The following APBA1 variants were observed in gnomAD, a reference collection of about 807,000 sequenced individuals.
APBA1 encodes amyloid beta precursor protein binding family A member 1, also known as amyloid-beta A4 precursor protein-binding family A member 1.
A neutral mutation model predicts 86.6 loss-of-function variants in APBA1; 55 were observed. The ratio of observed to expected loss-of-function variants is 0.64; its 90% confidence interval spans 0.51 to 0.80. The LOEUF is 0.80. Among genes scored for constraint, APBA1 ranks in the 30% least tolerant of loss-of-function variants. APBA1 has a pLI of 0.00. For synonymous variants in APBA1, 511 were observed against 493.9 expected, an observed-to-expected ratio of 1.03 and a Z score of -0.46; for missense variants, 1,090 against 1,183.0, an observed-to-expected ratio of 0.92 and a Z score of 1.15.
intron 1 of APBA1, among the ~76,000 whole-genome samples, chr9:69,576,851 T>C (rs888815100): frequency 2.4e-4 from 36 of 152,200 alleles, no homozygotes; most frequent in Non-Finnish European, 1.2e-4. Flanking sequence ...AAACTTAAAG[T>C]ATAATAAAAA....
intron 5 of APBA1, 146 bp downstream of exon 5, chr9:69,467,677 G>T (rs551104112): frequency 1.0e-4 from 112 of 1,103,450 alleles, no homozygotes; most frequent in Non-Finnish European, 1.4e-4. Flanking sequence ...TGTTTTGTTA[G>T]CAGGCACATG....
At chr9:69,664,884 C>T (rs1192381737) in intron 1 of APBA1, among the ~76,000 whole-genome samples, 1 of 152,128 alleles carries the variant, frequency 6.6e-6, no homozygotes, top group Non-Finnish European at 1.5e-5. Flanking sequence ...CATTAAAATC[C>T]CTAAATTAAA....
rs1588301968 is a variant in APBA1 at position 69,467,765 on chromosome 9, A to G, written c.1482+58T>C. 18 of 1,602,440 alleles carry G rather than the reference A, an allele frequency of 1.1e-5. No individual in the cohort carries two copies. The East Asian group carries it at 4.0e-4, about 36-fold the overall frequency. On this transcript the variant is annotated intron_variant, in intron 5 of 12. Coordinates refer to ENST00000265381, the MANE Select transcript of APBA1 (RefSeq NM_001163.4). ...TGTGGAGTTGTGGCCAGTGTTGTAGACTGCTCCAGTGCCTACACCAGCCCC... is the reference window on the plus strand; with the variant it reads ...TGTGGAGTTGTGGCCAGTGTTGTAGGCTGCTCCAGTGCCTACACCAGCCCC...
At chr9:69,512,063 T>TA (rs1310015559) in intron 2 of APBA1, among the ~76,000 whole-genome samples, 5 of 145,876 alleles carry the variant, frequency 3.4e-5, no homozygotes, top group Non-Finnish European at 7.5e-5. Flanking sequence ...CCCTAAAACT[T>TA]AAAGTATAAT....
chr9:69,434,460 G>C (rs994085480), intron 11 of APBA1, among the ~76,000 whole-genome samples: 9 of 152,024 alleles, frequency 5.9e-5, no homozygotes, highest in Non-Finnish European at 1.3e-4. Flanking sequence ...TGGGATACCA[G>C]CACTTTGGGA....
At chr9:69,644,215 C>T (rs1588409508) in intron 1 of APBA1, among the ~76,000 whole-genome samples, 1 of 152,234 alleles carries the variant, frequency 6.6e-6, no homozygotes, top group South Asian at 2.1e-4. Context: ...ATCTTCTCTA[C>T]TGTATCACCA....
chr9:69,543,721 C>A (rs1480076871), intron 1 of APBA1, among the ~76,000 whole-genome samples: 1 of 152,142 alleles, frequency 6.6e-6, no homozygotes, highest in Non-Finnish European at 1.5e-5. Context: ...TTCCCAGGGT[C>A]ACAAAGCAGA....
At position 69,597,887 on chromosome 9, in the gene APBA1, G is replaced by C. The variant is rs1264325570; in HGVS notation, c.-70+74266C>G. On this transcript the variant is annotated intron_variant, in intron 1 of 12. Coordinates refer to ENST00000265381, the MANE Select transcript of APBA1 (RefSeq NM_001163.4). ...GGAAGTCAGTGTGGCGATTCCTCAG[G>C]GATCTAGAACTAGAAATACCATTTG... 2.0e-5 allele frequency among the ~76,000 whole-genome samples: 3 copies of C among 152,018 alleles called. No individual in the cohort carries two copies. The East Asian group carries it at 5.8e-4, about 29-fold the overall frequency.
At chr9:69,481,706 C>G (rs1564049533) in intron 2 of APBA1, among the ~76,000 whole-genome samples, 1 of 150,808 alleles carries the variant, frequency 6.6e-6, no homozygotes, top group East Asian at 1.9e-4. Context: ...CATCACAATA[C>G]CTGACTTCAA....
In APBA1 at chr9:69,608,567, C is replaced by CA. The variant is rs1370945529; in HGVS notation, c.-70+63585dup. 1.1e-4 allele frequency among the ~76,000 whole-genome samples: 17 copies of CA among 151,970 alleles called. No homozygotes were observed. In the South Asian group the frequency reaches 1.9e-3, roughly 17 times the overall value. On this transcript the variant is annotated intron_variant, in intron 1 of 12. Coordinates refer to ENST00000265381, the MANE Select transcript of APBA1 (RefSeq NM_001163.4). ...AAGCCTTATTGAAGGCACTTGCTCC[C>CA]AAAAAAACAGTATTTATGACATGCT...
intron 1 of APBA1, among the ~76,000 whole-genome samples, chr9:69,557,345 A>C (rs1158597347): frequency 6.6e-6 from 1 of 152,182 alleles, no homozygotes; most frequent in Non-Finnish European, 1.5e-5. Context: ...CCAGGAAGAA[A>C]ATTATTTCAT....
chr9:69,600,576 A>T (rs560437809), intron 1 of APBA1, among the ~76,000 whole-genome samples: 1 of 152,156 alleles, frequency 6.6e-6, no homozygotes, highest in South Asian at 2.1e-4. Context: ...AGGTGGGTGG[A>T]TCACCTGAGG....
chr9:69,462,710 G>A (rs1012165648), intron 5 of APBA1: 1 of 152,174 alleles, frequency 6.6e-6, no homozygotes, highest in Non-Finnish European at 1.5e-5. Flanking sequence ...CAAGCACTTA[G>A]CCTGACTAGA....
chr9:69,658,278 T>C (rs796108111), intron 1 of APBA1, among the ~76,000 whole-genome samples: 2,968 of 65,062 alleles, frequency 0.046, 152 homozygotes, highest in South Asian at 0.085. Flanking sequence ...CTTTCTTTCT[T>C]TCTTTCTCTC....
intron 2 of APBA1, among the ~76,000 whole-genome samples, chr9:69,502,309 A>G (rs1184911807): frequency 6.6e-6 from 1 of 152,116 alleles, no homozygotes; most frequent in African/African-American, 2.4e-5. Flanking sequence ...CATCTTGCCT[A>G]GAGCTGAACC....
intron 2 of APBA1, chr9:69,494,381 A>C (rs1835762452): frequency 6.6e-6 from 1 of 152,150 alleles, no homozygotes. Flanking sequence ...AGCCTTGCAC[A>C]GCAGCGATCT....
chr9:69,623,249 G>A (rs1822861892), intron 1 of APBA1, among the ~76,000 whole-genome samples: 1 of 152,082 alleles, frequency 6.6e-6, no homozygotes, highest in African/African-American at 2.4e-5. Flanking sequence ...ACTGACCTGA[G>A]GCTGCAATGA....
At chr9:69,671,053 C>G (rs549102512) in intron 1 of APBA1, among the ~76,000 whole-genome samples, 13 of 152,212 alleles carry the variant, frequency 8.5e-5, no homozygotes, top group African/African-American at 3.1e-4. Context: ...TCTCTCTATA[C>G]GTATACACCT....
intron 1 of APBA1, among the ~76,000 whole-genome samples, chr9:69,663,836 T>G (rs1198250951): frequency 1.3e-5 from 2 of 152,194 alleles, no homozygotes; most frequent in Non-Finnish European, 2.9e-5. Flanking sequence ...AAGATGAGAT[T>G]CTGTCCTCCA....
Sources: allele counts gnomAD v4.1 joint callset (sites outside exome capture counted in the v4.1 genomes callset), GRCh38; gene constraint gnomAD v4.1.1; transcripts MANE v1.5; gene names NCBI Gene and HGNC (gene_info 2026-07-23, HGNC 2026-07-21).